The following UBAP2 variants were observed in gnomAD, a reference collection of about 807,000 sequenced individuals.
UBAP2 encodes ubiquitin-associated protein 2.
UBAP2 carries 75 observed loss-of-function variants against 139.6 expected under a neutral mutation model. The ratio of observed to expected loss-of-function variants is 0.54; its 90% CI spans 0.45 to 0.65. UBAP2 has a LOEUF of 0.65. Ranked by LOEUF, UBAP2 falls within the 30% of genes least tolerant of loss-of-function variation. UBAP2 has a pLI of 0.00. For synonymous variants in UBAP2, 526 were observed against 526.2 expected, an observed-to-expected ratio of 1.00 and a Z score of 0.01; for missense variants, 1,368 against 1,369.6, an observed-to-expected ratio of 1.00 and a Z score of 0.02.
intron 1 of UBAP2, among the ~76,000 whole-genome samples, chr9:34,024,570 G>A (rs898680102): frequency 6.6e-6 from 1 of 152,088 alleles, no homozygotes; most frequent in African/African-American, 2.4e-5. Flanking sequence ...AACAGGTTTC[G>A]CACAACAATC....
chr9:33,948,076 T>C (rs1438070460), intron 13 of UBAP2, among the ~76,000 whole-genome samples: 1 of 152,008 alleles, frequency 6.6e-6, no homozygotes, highest in Non-Finnish European at 1.5e-5. Context: ...ATTCTGTCCA[T>C]GCATTTACAC....
chr9:33,960,983 G>T, intron 9 of UBAP2, 105 bp from the exon 10 acceptor site: 1 of 993,476 alleles, frequency 1.0e-6, no homozygotes, highest in Non-Finnish European at 1.6e-6. Flanking sequence ...AGATACATAC[G>T]CCTCACTAGC....
intron 16 of UBAP2, among the ~76,000 whole-genome samples, chr9:33,936,890 C>A (rs1824568473): frequency 8.8e-6 from 1 of 113,848 alleles, no homozygotes. Flanking sequence ...CCCAGGAGTT[C>A]ATGACCACCC....
chr9:34,023,868 C>T (rs1233668074), intron 1 of UBAP2, among the ~76,000 whole-genome samples: 1 of 151,628 alleles, frequency 6.6e-6, no homozygotes, highest in Admixed American at 6.6e-5. Context: ...TAAGGTGAAA[C>T]CCCATCTCTA....
At chr9:34,036,305 T>C (rs1456068132) in intron 1 of UBAP2, among the ~76,000 whole-genome samples, 2 of 152,060 alleles carry the variant, frequency 1.3e-5, no homozygotes, top group African/African-American at 4.8e-5. Flanking sequence ...TTAATAGAGA[T>C]GGGGTTTCTC....
chr9:33,949,743 G>C (rs1203389255), intron 12 of UBAP2, among the ~76,000 whole-genome samples: 2 of 152,130 alleles, frequency 1.3e-5, no homozygotes, highest in East Asian at 3.8e-4. Context: ...ACACGCACAA[G>C]ATCAAATACA....
intron 1 of UBAP2, among the ~76,000 whole-genome samples, chr9:34,038,601 C>A (rs1466975987): frequency 6.6e-6 from 1 of 152,218 alleles, no homozygotes; most frequent in Non-Finnish European, 1.5e-5. Flanking sequence ...GTTGCCCAGG[C>A]TGGAGTGCAG....
chr9:34,040,046 CT>C (rs967454883), intron 1 of UBAP2, among the ~76,000 whole-genome samples: 23 of 151,772 alleles, frequency 1.5e-4, no homozygotes, highest in African/African-American at 5.6e-4. Context: ...GTAATCCCAG[CT>C]ACTTGGGAGG....
At position 33,927,914 on chromosome 9, in the gene UBAP2, CG is replaced by C. The variant is rs1241459749; in HGVS notation, c.2253del (p.Ala752HisfsTer11). 6 of 1,614,042 alleles carry C rather than the reference CG, an allele frequency of 3.7e-6. No homozygotes were observed. The highest frequency in any genetic ancestry group is 5.1e-6 in the Non-Finnish European group (6 of 1,180,032). ...CTGGACAGGCTGGCGCCTGAGGATGCGGAACTTGAGACGGAGGTCGCTGCCG... is the reference window on the plus strand; with the variant it reads ...CTGGACAGGCTGGCGCCTGAGGATGCGAACTTGAGACGGAGGTCGCTGCCG... ...FSTAATSVSSSASSGASLSSS... is the reference protein window; with the variant it reads ...FSTAATSVSSXASSGASLSSS... On this transcript the variant is annotated frameshift_variant, in exon 20 of 29. Transcript: ENST00000379238. LOFTEE classifies it high-confidence loss of function.
At chr9:33,967,170 A>T in intron 8 of UBAP2, among the ~76,000 whole-genome samples, 1 of 151,936 alleles carries the variant, frequency 6.6e-6, no homozygotes, top group Non-Finnish European at 1.5e-5. Flanking sequence ...CTGTTTGTTG[A>T]TGATTTATAG....
intron 8 of UBAP2, among the ~76,000 whole-genome samples, chr9:33,966,721 A>T (rs1827489013): frequency 6.6e-6 from 1 of 152,194 alleles, no homozygotes; most frequent in Non-Finnish European, 1.5e-5. Context: ...TACTAAAAAA[A>T]GTACTGTTTT....
chr9:34,026,110 A>G (rs906388835), intron 1 of UBAP2, among the ~76,000 whole-genome samples: 1 of 152,218 alleles, frequency 6.6e-6, no homozygotes, highest in African/African-American at 2.4e-5. Context: ...ACGAAAAGCA[A>G]GGACACATTT....
At position 34,035,514 on chromosome 9, in the gene UBAP2, A is replaced by AAAAAAATATATATAT; in HGVS notation, c.-42+13310_-42+13311insATATATATATTTTTT. Among the ~76,000 whole-genome samples, 57 of 22,490 alleles carry AAAAAAATATATATAT rather than the reference A, an allele frequency of 2.5e-3. 2 individuals are homozygous for AAAAAAATATATATAT. The highest frequency in any genetic ancestry group is 6.9e-3 in the African/African-American group (54 of 7,852). The allele number at this position is 22,490 out of a possible 152,430, so 14.8% of individuals were successfully genotyped here. A position where few individuals can be genotyped will look rare whatever the true frequency, so the allele number is the denominator to read the frequency against. ...GAGACTCCATCTAAAAAAAAAAAAAAATATATATATATAAAGATTAGCCAG... is the reference window on the plus strand; with the variant it reads ...GAGACTCCATCTAAAAAAAAAAAAAAAAAAAATATATATATATATATATATATAAAGATTAGCCAG... On this transcript the variant is annotated intron_variant, in intron 1 of 28. Coordinates refer to ENST00000379238, the MANE Select transcript of UBAP2 (RefSeq NM_001370062.2).
intron 6 of UBAP2, among the ~76,000 whole-genome samples, chr9:33,984,963 A>G (rs933907468): frequency 1.3e-5 from 2 of 152,196 alleles, no homozygotes; most frequent in African/African-American, 4.8e-5. Context: ...AGCAAATTAA[A>G]CAGATGCTGG....
chr9:34,005,511 C>T (rs1388500977), intron 2 of UBAP2, among the ~76,000 whole-genome samples: 1 of 146,444 alleles, frequency 6.8e-6, no homozygotes, highest in East Asian at 2.0e-4. Flanking sequence ...CTTTAAATTA[C>T]AGAATTCAAG....
chr9:34,030,550 G>A (rs1825804602), intron 1 of UBAP2, among the ~76,000 whole-genome samples: 1 of 152,172 alleles, frequency 6.6e-6, no homozygotes, highest in Admixed American at 6.5e-5. Flanking sequence ...TTGAGCCTGG[G>A]AGGTCAAGGC....
intron 16 of UBAP2, among the ~76,000 whole-genome samples, chr9:33,937,944 CACT>C (rs1824737201): frequency 6.6e-6 from 1 of 151,942 alleles, no homozygotes; most frequent in African/African-American, 2.4e-5. Context: ...TATTTACACA[CACT>C]ACATTACACA....
chr9:33,928,212 A>C, intron 19 of UBAP2: 2 of 475,352 alleles, frequency 4.2e-6, no homozygotes, highest in South Asian at 9.6e-5. Flanking sequence ...ACATAAACTG[A>C]ACATCAAAAC....
At position 33,937,496 on chromosome 9, in the gene UBAP2, A is replaced by G. The variant is rs547744998; in HGVS notation, c.1930-1618T>C. Among the ~76,000 whole-genome samples the G allele has an allele frequency of 6.7e-5, 10 of 150,156 alleles. 1 individual carries two copies. The South Asian group carries it at 2.2e-3, about 32-fold the overall frequency. ...GTGACACACACCTGTAGTTCTAGCT[A>G]GTCGGGAGGCTGAGGAAAGAGAATC... On this transcript the variant is annotated intron_variant, in intron 16 of 28. Coordinates refer to ENST00000379238, the MANE Select transcript of UBAP2 (RefSeq NM_001370062.2).
Sources: gnomAD v4.1 joint callset for allele counts (sites outside exome capture counted in the v4.1 genomes callset) on GRCh38, gnomAD v4.1.1 for gene constraint, MANE v1.5 for transcripts, NCBI Gene and HGNC (gene_info 2026-07-23, HGNC 2026-07-21) for gene names.